AXDND1: variants seen among roughly 807,000 people sequenced by gnomAD.
AXDND1 encodes the protein axonemal dynein light chain domain containing 1, also known as axonemal dynein light chain domain-containing protein 1.
A neutral mutation model predicts 137.5 loss-of-function variants in AXDND1; 110 were observed. That is an observed-to-expected ratio of 0.80 (90% CI 0.69 to 0.94). AXDND1 has a LOEUF of 0.94. AXDND1 is among the 40% of genes least tolerant of loss of function. AXDND1 has a pLI of 0.00. For synonymous variants in AXDND1, 414 were observed against 399.7 expected (o/e 1.04, Z -0.43); for missense variants, 1,191 against 1,169.8 (o/e 1.02, Z -0.26).
chr1:179,541,370 G>T (rs934009425), intron 25 of AXDND1, among the ~76,000 whole-genome samples: 2 of 152,142 alleles, frequency 1.3e-5, no homozygotes, highest in South Asian at 2.1e-4. Context: ...AGATGAAGCA[G>T]GTACCTCAGT....
In AXDND1 at chr1:179,393,027, T is replaced by C. The variant is rs149150561; in HGVS notation, c.864-876T>C. 3.5e-3 allele frequency among the ~76,000 whole-genome samples: 540 copies of C among 152,344 alleles called. 3 individuals carry two copies. The highest frequency in any genetic ancestry group is 0.012 in the African/African-American group (512 of 41,578). The stretch of plus-strand genomic sequence containing the variant: ...TTTGTTGCATTTGCTTTTGGGTTCT[T>C]GGTCATGAATTCTTTGCCTAAGCCA... On this transcript the variant is annotated intron_variant, in intron 9 of 25. Coordinates refer to ENST00000367618, the MANE Select transcript of AXDND1 (RefSeq NM_144696.6).
intron 12 of AXDND1, among the ~76,000 whole-genome samples, chr1:179,427,827 C>T (rs1371436143): frequency 6.6e-6 from 1 of 151,870 alleles, no homozygotes; most frequent in African/African-American, 2.4e-5. Context: ...AAATGGTGAA[C>T]CTAGCAAGTC....
In AXDND1 at chr1:179,554,661, A is replaced by T. The variant is rs1572273161; in HGVS notation, c.*142A>T. On this transcript the variant is annotated 3_prime_UTR_variant, in exon 26 of 26. Transcript: ENST00000367618. ...TGAAAGGACATTATTTGCCTGTTGT[A>T]TTTAACTTCACAGTGCCTTGCAAAG... 7.7e-7 allele frequency: 1 copy of T among 1,292,664 alleles called. No individual in the cohort carries two copies. Among genetic ancestry groups the T allele is most frequent in the East Asian group, 2.4e-5 (1 of 42,510 alleles). 80.1% of individuals were successfully genotyped at this position (1,292,664 alleles called of 1,614,324 possible).
At chr1:179,412,060 T>C (rs1653983615) in intron 12 of AXDND1, among the ~76,000 whole-genome samples, 1 of 152,086 alleles carries the variant, frequency 6.6e-6, no homozygotes, top group Non-Finnish European at 1.5e-5. Context: ...TATGTTGCCC[T>C]GGATAGTCTT....
chr1:179,457,316 A>T, intron 16 of AXDND1: 1 of 623,112 alleles, frequency 1.6e-6, no homozygotes, highest in Non-Finnish European at 2.9e-6. Context: ...GCTCTTTAGG[A>T]GACTCTGAGT....
In AXDND1 at chr1:179,371,638, T is replaced by C. The variant is rs182156822; in HGVS notation, c.374+1560T>C. On this transcript the variant is annotated intron_variant, in intron 4 of 25. Transcript: ENST00000367618. ...TAAGGACATTGAAATGGATAGATTA[T>C]CTTAGATTGTCAGGGTGGGCCCAGC... Among the ~76,000 whole-genome samples, 444 of 152,228 alleles carry C rather than the reference T, an allele frequency of 2.9e-3. 4 individuals are homozygous for C. Among genetic ancestry groups the C allele is most frequent in the African/African-American group, 9.9e-3 (411 of 41,538 alleles).
chr1:179,552,705 T>A, intron 25 of AXDND1: 1 of 1,592,364 alleles, frequency 6.3e-7, no homozygotes, highest in Non-Finnish European at 8.6e-7. Flanking sequence ...AATGCAGGTA[T>A]GTAGGTGTGC....
At chr1:179,387,370 A>G (rs1388053620) in intron 9 of AXDND1, among the ~76,000 whole-genome samples, 1 of 152,180 alleles carries the variant, frequency 6.6e-6, no homozygotes, top group Non-Finnish European at 1.5e-5. Flanking sequence ...AGAAAGAGGG[A>G]GTGGGTCCAC....
chr1:179,399,387 G>T (rs545446447), intron 11 of AXDND1, among the ~76,000 whole-genome samples: 1 of 152,280 alleles, frequency 6.6e-6, no homozygotes, highest in South Asian at 2.1e-4. Flanking sequence ...GTAGGAGAAT[G>T]ATACCAGATC....
At chr1:179,448,106 T>G in intron 16 of AXDND1, 3 of 1,018,710 alleles carry the variant, frequency 2.9e-6, no homozygotes, top group Non-Finnish European at 3.1e-6. Flanking sequence ...AATTCCTCAT[T>G]AATTATTTTT....
chr1:179,483,247 G>A (rs748483942), intron 18 of AXDND1, 26 bp downstream of exon 18: 28 of 1,502,280 alleles, frequency 1.9e-5, no homozygotes, highest in Admixed American at 2.1e-5. Context: ...GGTTTTTGAC[G>A]TTATATTTTG....
At chr1:179,377,478 C>A (rs12735254) in intron 4 of AXDND1, among the ~76,000 whole-genome samples, 97,636 of 151,960 alleles carry the variant, frequency 0.64, 31,750 homozygotes, top group Middle Eastern at 0.7. Context: ...GTTTTCTGTC[C>A]TGGAAGTCTT....
At chr1:179,381,744 A>T (rs1480033005) in intron 6 of AXDND1, among the ~76,000 whole-genome samples, 2 of 151,930 alleles carry the variant, frequency 1.3e-5, no homozygotes, top group East Asian at 3.9e-4. Context: ...ATGGATTTCT[A>T]TTTTATTTGA....
chr1:179,452,030 G>A (rs1474235978), intron 16 of AXDND1: 1 of 152,428 alleles, frequency 6.6e-6, no homozygotes, highest in Non-Finnish European at 1.5e-5. Flanking sequence ...GAAGAAGACA[G>A]GAAAATGTGG....
intron 16 of AXDND1, chr1:179,456,032 T>C (rs1661357339): frequency 2.4e-6 from 1 of 418,652 alleles, no homozygotes; most frequent in Non-Finnish European, 4.7e-6. Flanking sequence ...AATAACCTGT[T>C]ATAGAGTTAG....
At chr1:179,385,535 A>G (rs1649063270) in intron 9 of AXDND1, among the ~76,000 whole-genome samples, 176 bp downstream of exon 9, 5 of 151,848 alleles carry the variant, frequency 3.3e-5, no homozygotes, top group Admixed American at 3.3e-4. Context: ...TATAGCTTTC[A>G]TTTTATTTTA....
chr1:179,548,289 A>G (rs1328443143), intron 25 of AXDND1, among the ~76,000 whole-genome samples: 2 of 152,260 alleles, frequency 1.3e-5, no homozygotes, highest in Non-Finnish European at 2.9e-5. Context: ...TTGTGCAAGC[A>G]TTGTGCTAAG....
rs1032854949 is a variant in AXDND1, at chr1:179,554,457, T to C, written c.3032-55T>C. ...TTTTCCTTTATCATACAGTTCTTGCTAGTTAATTTCCTACCCACATTTCTA... is the reference window on the plus strand; with the variant it reads ...TTTTCCTTTATCATACAGTTCTTGCCAGTTAATTTCCTACCCACATTTCTA... On this transcript the variant is annotated intron_variant, in intron 25 of 25. Transcript: ENST00000367618. 11 of 1,613,988 alleles carry C rather than the reference T, an allele frequency of 6.8e-6. No homozygotes were observed. The highest frequency in any genetic ancestry group is 9.3e-6 in the Non-Finnish European group (11 of 1,179,972).
intron 6 of AXDND1, among the ~76,000 whole-genome samples, chr1:179,381,290 C>A (rs538960507): frequency 6.6e-6 from 1 of 150,788 alleles, no homozygotes; most frequent in East Asian, 2.0e-4. Flanking sequence ...GATCTGCCCG[C>A]TTTGGCCTCT....
Sources: allele counts gnomAD v4.1 joint callset (sites outside exome capture counted in the v4.1 genomes callset), GRCh38; gene constraint gnomAD v4.1.1; transcripts MANE v1.5; gene names NCBI Gene and HGNC (gene_info 2026-07-23, HGNC 2026-07-21).